Variants in CCSER1 observed in about 807,000 individuals in gnomAD.
CCSER1 encodes coiled-coil serine rich protein 1.
CCSER1 carries 41 observed loss-of-function variants against 82.0 expected under a neutral mutation model. The observed-to-expected ratio is 0.50, with a 90% CI of 0.39 to 0.65. The LOEUF is 0.65. CCSER1 is among the 30% of genes least tolerant of loss of function. The pLI is 0.00. For synonymous variants in CCSER1, 414 were observed against 383.9 expected (o/e 1.08, Z -0.92); for missense variants, 1,119 against 1,064.2 (o/e 1.05, Z -0.72).
chr4:91,417,682 G>A (rs1199641932), intron 10 of CCSER1, among the ~76,000 whole-genome samples: 1 of 151,444 alleles, frequency 6.6e-6, no homozygotes, highest in East Asian at 1.9e-4. Context: ...CACACACTGG[G>A]GCCTGTCATT....
chr4:90,142,167 T>C (rs1724913481), intron 1 of CCSER1, among the ~76,000 whole-genome samples: 1 of 152,218 alleles, frequency 6.6e-6, no homozygotes, highest in African/African-American at 2.4e-5. Flanking sequence ...CTTTGTGAGC[T>C]CACCACACTT....
At chr4:91,155,974 T>A (rs1730775687) in intron 10 of CCSER1, among the ~76,000 whole-genome samples, 1 of 151,812 alleles carries the variant, frequency 6.6e-6, no homozygotes, top group Non-Finnish European at 1.5e-5. Flanking sequence ...TTATTATTAT[T>A]TTAACTGTGG....
chr4:91,068,857 T>G (rs1721119569), intron 9 of CCSER1, among the ~76,000 whole-genome samples: 1 of 152,282 alleles, frequency 6.6e-6, no homozygotes, highest in Non-Finnish European at 1.5e-5. Flanking sequence ...TAGGTAACAA[T>G]GCTCAAATAT....
intron 6 of CCSER1, among the ~76,000 whole-genome samples, chr4:90,709,752 C>T (rs560137844): frequency 2.0e-5 from 3 of 152,194 alleles, no homozygotes; most frequent in Admixed American, 6.5e-5. Flanking sequence ...CATATGCATG[C>T]ATGTATCTTT....
intron 10 of CCSER1, among the ~76,000 whole-genome samples, chr4:91,095,387 T>C (rs1696075287): frequency 6.6e-6 from 1 of 152,146 alleles, no homozygotes; most frequent in African/African-American, 2.4e-5. Flanking sequence ...TTCCCTGCCC[T>C]TTGGGGGGGA....
intron 4 of CCSER1, among the ~76,000 whole-genome samples, chr4:90,462,304 G>A (rs764151761): frequency 1.3e-5 from 2 of 152,084 alleles, no homozygotes; most frequent in African/African-American, 2.4e-5. Flanking sequence ...AGACCGGTTA[G>A]GTAAGTCCAA....
chr4:90,204,693 T>C (rs575635397), intron 1 of CCSER1, among the ~76,000 whole-genome samples: 5 of 152,298 alleles, frequency 3.3e-5, no homozygotes, highest in Non-Finnish European at 7.4e-5. Flanking sequence ...TTTGGTTCCA[T>C]GTGAAATTTA....
In CCSER1 at chr4:90,502,383, G is replaced by C. The variant is rs547008512; in HGVS notation, c.1724+34029G>C. On this transcript the variant is annotated intron_variant, in intron 5 of 10. Transcript: ENST00000509176. ...CTAACTGTGAGGAGAAGAACAAAGA[G>C]GAAATCTGTCCCCATGATCCAATCA... Among the ~76,000 whole-genome samples the C allele has an allele frequency of 5.9e-5, 9 of 152,242 alleles. No homozygotes were observed. The South Asian group carries it at 1.9e-3, about 32-fold the overall frequency.
intron 10 of CCSER1, among the ~76,000 whole-genome samples, chr4:91,136,800 T>A (rs72888564): frequency 1.3e-5 from 2 of 152,188 alleles, no homozygotes. Context: ...ATGGTTCTTA[T>A]TTTTTTGTAA....
intron 4 of CCSER1, among the ~76,000 whole-genome samples, chr4:90,405,397 C>T (rs1050992630): frequency 6.6e-5 from 10 of 152,108 alleles, no homozygotes; most frequent in African/African-American, 2.4e-4. Context: ...AATTGGTGTT[C>T]CTGGGGCAGA....
chr4:91,336,289 A>C (rs1747322620), intron 10 of CCSER1, among the ~76,000 whole-genome samples: 1 of 152,102 alleles, frequency 6.6e-6, no homozygotes, highest in African/African-American at 2.4e-5. Context: ...AGTATATTTG[A>C]AAATTAGAAT....
intron 8 of CCSER1, among the ~76,000 whole-genome samples, chr4:90,893,792 T>TGTGGGG (rs34693713): frequency 2.3e-3 from 328 of 145,416 alleles, no homozygotes; most frequent in Non-Finnish European, 3.6e-3. Context: ...TGTGTGTGTG[T>TGTGGGG]GGGGGGTGAA....
intron 4 of CCSER1, among the ~76,000 whole-genome samples, chr4:90,455,539 C>G (rs1021390391): frequency 6.6e-6 from 1 of 152,068 alleles, no homozygotes; most frequent in African/African-American, 2.4e-5. Context: ...TAAAAAGCAT[C>G]CCTTTGTTCC....
At chr4:90,860,036 G>T (rs1384862851) in intron 8 of CCSER1, among the ~76,000 whole-genome samples, 1 of 151,454 alleles carries the variant, frequency 6.6e-6, no homozygotes, top group African/African-American at 2.4e-5. Flanking sequence ...AAACTTTTTG[G>T]CATTAAAGAT....
chr4:91,018,350 C>T (rs978412524), intron 9 of CCSER1, among the ~76,000 whole-genome samples: 1 of 152,062 alleles, frequency 6.6e-6, no homozygotes, highest in Admixed American at 6.6e-5. Context: ...ACTATCAAAT[C>T]GGGTTGAATT....
chr4:90,438,823 G>T (rs1759433552), intron 4 of CCSER1, among the ~76,000 whole-genome samples: 1 of 148,316 alleles, frequency 6.7e-6, no homozygotes, highest in Non-Finnish European at 1.5e-5. Context: ...TTCTGTCAGA[G>T]AACTTGATTG....
chr4:91,229,660 A>G (rs1300646632), intron 10 of CCSER1, among the ~76,000 whole-genome samples: 3 of 152,188 alleles, frequency 2.0e-5, no homozygotes, highest in Admixed American at 1.3e-4. Flanking sequence ...CACCTGTAAA[A>G]AAGAATGAGT....
chr4:90,489,449 C>G (rs1177595576), intron 5 of CCSER1, among the ~76,000 whole-genome samples: 1 of 152,044 alleles, frequency 6.6e-6, no homozygotes, highest in Non-Finnish European at 1.5e-5. Flanking sequence ...ATTCTTATAT[C>G]AATTGAGTTT....
At chr4:91,201,220 A>G (rs559030005) in intron 10 of CCSER1, among the ~76,000 whole-genome samples, 1 of 152,228 alleles carries the variant, frequency 6.6e-6, no homozygotes, top group Non-Finnish European at 1.5e-5. Flanking sequence ...GGAAATGCTA[A>G]GCAAGTTACT....
Sources: gnomAD v4.1 joint callset for allele counts (sites outside exome capture counted in the v4.1 genomes callset) on GRCh38, gnomAD v4.1.1 for gene constraint, MANE v1.5 for transcripts, NCBI Gene and HGNC (gene_info 2026-07-23, HGNC 2026-07-21) for gene names.